UBE2D2: variants seen among roughly 807,000 people sequenced by gnomAD.
UBE2D2 encodes ubiquitin-conjugating enzyme E2 D2.
A neutral mutation model predicts 24.2 loss-of-function variants in UBE2D2; 2 were observed. The ratio of observed to expected loss-of-function variants is 0.08; its 90% CI spans 0.03 to 0.26. The LOEUF (loss-of-function observed/expected upper bound fraction) is 0.26. Among genes scored for constraint, UBE2D2 ranks in the 10% least tolerant of loss-of-function variants. UBE2D2 has a pLI of 1.00. For missense variants in UBE2D2, 44 were observed against 177.6 expected (o/e 0.25, Z 4.28); for synonymous variants, 58 against 56.5 (o/e 1.03, Z -0.12).
At chr5:139,550,412 GTCTGTAAAATGGACCAATCAGCGC>G (rs1029314480) in intron 1 of UBE2D2, among the ~76,000 whole-genome samples, 17 of 152,138 alleles carry the variant, frequency 1.1e-4, no homozygotes, top group Admixed American at 3.3e-4. Flanking sequence ...CCAATCAGCT[GTCTGTAAAATGGACCAATCAGCGC>G]TCTGTAAAAT....
intron 1 of UBE2D2, among the ~76,000 whole-genome samples, chr5:139,549,410 C>T (rs572463460): frequency 1.9e-3 from 282 of 152,314 alleles, no homozygotes; most frequent in Non-Finnish European, 2.6e-3. Context: ...GTTCCGGGTG[C>T]GCGGGGTCTT....
At chr5:139,531,867 A>G (rs1752602323) in intron 1 of UBE2D2, among the ~76,000 whole-genome samples, 1 of 152,036 alleles carries the variant, frequency 6.6e-6, no homozygotes, top group South Asian at 2.1e-4. Flanking sequence ...TGCACCTGTA[A>G]TCCCAGCTAC....
intron 1 of UBE2D2, among the ~76,000 whole-genome samples, chr5:139,547,189 G>C (rs1752845528): frequency 6.6e-6 from 1 of 151,876 alleles, no homozygotes; most frequent in South Asian, 2.1e-4. Context: ...TACACGGGAG[G>C]CTGAGGCAGG....
At chr5:139,530,238 C>T (rs181364844) in intron 1 of UBE2D2, among the ~76,000 whole-genome samples, 241 of 152,256 alleles carry the variant, frequency 1.6e-3, no homozygotes, top group African/African-American at 5.6e-3. Context: ...TGGACGGCCC[C>T]CACCAGGTTA....
At chr5:139,626,636 G>T in intron 6 of UBE2D2, 120 bp from the exon 7 acceptor site, 2 of 766,538 alleles carry the variant, frequency 2.6e-6, no homozygotes, top group Middle Eastern at 2.3e-4. Flanking sequence ...ATAGAAAGGG[G>T]CCTTTCCTTG....
intron 2 of UBE2D2, among the ~76,000 whole-genome samples, chr5:139,607,040 G>A (rs1259278303): frequency 1.3e-5 from 2 of 152,218 alleles, no homozygotes; most frequent in East Asian, 1.9e-4. Flanking sequence ...TCCTGACCTC[G>A]TGATTGGTCT....
intron 6 of UBE2D2, among the ~76,000 whole-genome samples, chr5:139,624,514 G>A (rs919469038): frequency 2.6e-5 from 4 of 152,202 alleles, no homozygotes; most frequent in East Asian, 1.9e-4. Flanking sequence ...AGGGCCGGGC[G>A]CAGTGGCTCA....
intron 1 of UBE2D2, among the ~76,000 whole-genome samples, chr5:139,549,680 T>A (rs1244588773): frequency 6.6e-6 from 1 of 152,192 alleles, no homozygotes; most frequent in Non-Finnish European, 1.5e-5. Flanking sequence ...CGCCACCCCC[T>A]GCTCCGCGGC....
intron 1 of UBE2D2, among the ~76,000 whole-genome samples, chr5:139,550,594 C>A (rs868411987): frequency 1.3e-5 from 2 of 151,956 alleles, no homozygotes; most frequent in South Asian, 2.1e-4. Context: ...TTTTTTTGAT[C>A]TTTGAGATAA....
At chr5:139,614,102 T>G (rs1754378616) in intron 2 of UBE2D2, among the ~76,000 whole-genome samples, 1 of 152,148 alleles carries the variant, frequency 6.6e-6, no homozygotes, top group Non-Finnish European at 1.5e-5. Context: ...TGTAATTGTT[T>G]TGAAGAAATG....
In UBE2D2 at chr5:139,548,193, A is replaced by AAAAAAAAAAT; in HGVS notation, c.-64+21584_-64+21585insAAAAAATAAA. 1.3e-3 allele frequency among the ~76,000 whole-genome samples: 63 copies of AAAAAAAAAAT among 47,084 alleles called. 1 individual carries two copies. The highest frequency in any genetic ancestry group is 2.0e-3 in the East Asian group (3 of 1,522). 30.9% of individuals were successfully genotyped at this position (47,084 alleles called of 152,430 possible). On this transcript the variant is annotated intron_variant, in intron 1 of 6. Transcript: ENST00000511725. ...AAAAAAAAAAAAAAAATAAAAAAAA[A>AAAAAAAAAAT]AAATAAATAAATAAATAAATAAACG...
At chr5:139,575,433 A>C (rs745908452) in intron 1 of UBE2D2, among the ~76,000 whole-genome samples, 33 of 152,182 alleles carry the variant, frequency 2.2e-4, no homozygotes, top group Non-Finnish European at 8.8e-5. Context: ...CGTCACCCCA[A>C]GCAAAAAAAG....
chr5:139,568,580 C>G (rs1004694689), intron 1 of UBE2D2, among the ~76,000 whole-genome samples: 1 of 152,106 alleles, frequency 6.6e-6, no homozygotes, highest in African/African-American at 2.4e-5. Flanking sequence ...ATGGCGTGAA[C>G]CGGGAGGCAG....
chr5:139,575,655 C>T (rs1226035569), intron 1 of UBE2D2, among the ~76,000 whole-genome samples: 1 of 152,166 alleles, frequency 6.6e-6, no homozygotes, highest in Non-Finnish European at 1.5e-5. Context: ...GCACTAACCC[C>T]ACCACCTGTA....
Position 139,623,402 on chromosome 5 carries a change from C to G in UBE2D2, c.339C>G (p.Pro113=). Residue 113 remains proline (P), a synonymous_variant, in exon 6 of 7, where the codon CCC becomes CCG. Coordinates refer to ENST00000398733, the MANE Select transcript of UBE2D2 (RefSeq NM_003339.3). ...CCATCTGTTCTCTGTTGTGTGATCC[C>G]AATCCAGATGATCCTTTAGTGCCTG... ...LLSICSLLCD[P]NPDDPLVPEI... is the part of the protein sequence containing the mutation. 1 of 1,604,898 alleles carries G rather than the reference C, an allele frequency of 6.2e-7. No individual in the cohort carries two copies.
chr5:139,549,139 GC>G (rs1303086962), intron 1 of UBE2D2, among the ~76,000 whole-genome samples: 2 of 152,110 alleles, frequency 1.3e-5, no homozygotes, highest in African/African-American at 4.8e-5. Flanking sequence ...GAGCCACTGT[GC>G]CCGGTCTTAA....
intron 1 of UBE2D2, among the ~76,000 whole-genome samples, chr5:139,551,369 T>C (rs1248771325): frequency 4.6e-5 from 7 of 152,070 alleles, no homozygotes; most frequent in African/African-American, 1.7e-4. Context: ...AAAAGAATAT[T>C]TCTCCAGGAG....
intron 2 of UBE2D2, among the ~76,000 whole-genome samples, chr5:139,606,843 T>C (rs964444984): frequency 6.6e-6 from 1 of 152,182 alleles, no homozygotes. Flanking sequence ...TCTCACATCG[T>C]CGCCCCCCTG....
At chr5:139,599,250 CAA>C (rs1754021030) in intron 1 of UBE2D2, among the ~76,000 whole-genome samples, 1 of 151,706 alleles carries the variant, frequency 6.6e-6, no homozygotes, top group Admixed American at 6.6e-5. Flanking sequence ...TATATTCCTT[CAA>C]AGTTTTTTCT....
Sources: gnomAD v4.1 joint callset for allele counts (sites outside exome capture counted in the v4.1 genomes callset) on GRCh38, gnomAD v4.1.1 for gene constraint, MANE v1.5 for transcripts, NCBI Gene and HGNC (gene_info 2026-07-23, HGNC 2026-07-21) for gene names.